The following GSK3B variants were observed in gnomAD, a reference collection of about 807,000 sequenced individuals.
GSK3B encodes the protein glycogen synthase kinase 3 beta.
Under a neutral mutation model 56.4 loss-of-function variants are expected in GSK3B, and 15 were observed. The ratio of observed to expected loss-of-function variants is 0.27; its 90% CI spans 0.18 to 0.41. The LOEUF (loss-of-function observed/expected upper bound fraction) is 0.41. GSK3B is among the 10% of genes least tolerant of loss of function. GSK3B has a pLI of 1.00. For synonymous variants in GSK3B, 181 were observed against 188.9 expected (o/e 0.96, Z 0.34); for missense variants, 300 against 513.4 (o/e 0.58, Z 4.02).
intron 1 of GSK3B, among the ~76,000 whole-genome samples, chr3:120,080,427 C>A (rs2058409576): frequency 1.3e-5 from 2 of 151,960 alleles, no homozygotes. Context: ...GCAATAGAAA[C>A]CCTATTGTTT....
At chr3:120,014,168 A>C (rs925996817) in intron 1 of GSK3B, among the ~76,000 whole-genome samples, 8 of 151,286 alleles carry the variant, frequency 5.3e-5, no homozygotes, top group African/African-American at 1.7e-4. Context: ...AAAACAAACA[A>C]CAACAACAAC....
chr3:119,853,401 C>G (rs150955435), intron 9 of GSK3B, among the ~76,000 whole-genome samples: 1 of 152,120 alleles, frequency 6.6e-6, no homozygotes, highest in Non-Finnish European at 1.5e-5. Flanking sequence ...CTTGGCTATA[C>G]GGGCTCTTTT....
intron 1 of GSK3B, among the ~76,000 whole-genome samples, chr3:120,047,239 G>C (rs917334661): frequency 1.1e-4 from 16 of 152,210 alleles, no homozygotes; most frequent in African/African-American, 3.6e-4. Context: ...CTCTCCACAA[G>C]ATCAAGAGCA....
intron 1 of GSK3B, among the ~76,000 whole-genome samples, chr3:120,082,476 A>G (rs930126645): frequency 9.5e-5 from 13 of 136,326 alleles, no homozygotes; most frequent in African/African-American, 3.6e-4. Flanking sequence ...GGCTCACTGC[A>G]ACCTCTGCCT....
chr3:120,066,045 G>A (rs2107558176), intron 1 of GSK3B, among the ~76,000 whole-genome samples: 1 of 152,298 alleles, frequency 6.6e-6, no homozygotes, highest in Admixed American at 6.5e-5. Flanking sequence ...ACAACGTGGT[G>A]AAGGTACTTA....
chr3:119,966,833 C>G (rs2057322587), intron 2 of GSK3B, among the ~76,000 whole-genome samples: 1 of 151,798 alleles, frequency 6.6e-6, no homozygotes, highest in South Asian at 2.1e-4. Flanking sequence ...TAATGAAGTA[C>G]TAGCAAAGAA....
At chr3:120,001,803 G>T (rs1172343236) in intron 2 of GSK3B, among the ~76,000 whole-genome samples, 1 of 152,000 alleles carries the variant, frequency 6.6e-6, no homozygotes, top group Non-Finnish European at 1.5e-5. Flanking sequence ...CCTTTCACAG[G>T]ATTAAAAAAT....
chr3:119,941,029 T>C (rs887824231), intron 3 of GSK3B, among the ~76,000 whole-genome samples: 4 of 151,836 alleles, frequency 2.6e-5, no homozygotes, highest in South Asian at 4.2e-4. Flanking sequence ...TTTTTTTTTT[T>C]TTTGAGATGG....
chr3:119,887,108 T>C (rs1019473148), intron 7 of GSK3B, among the ~76,000 whole-genome samples: 2 of 152,278 alleles, frequency 1.3e-5, no homozygotes, highest in South Asian at 2.1e-4. Context: ...CAAGATAAAA[T>C]TGAGTATAAA....
chr3:119,873,513 T>C (rs2056272847), intron 8 of GSK3B, among the ~76,000 whole-genome samples: 1 of 152,108 alleles, frequency 6.6e-6, no homozygotes, highest in South Asian at 2.1e-4. Flanking sequence ...AAGGGCAAAA[T>C]GGTCTTCTCT....
At chr3:120,036,772 G>A (rs536802462) in intron 1 of GSK3B, among the ~76,000 whole-genome samples, 22 of 113,282 alleles carry the variant, frequency 1.9e-4, no homozygotes, top group Admixed American at 1.8e-3. Flanking sequence ...CAGCCTGGGC[G>A]ACAGAGTAAG....
intron 1 of GSK3B, among the ~76,000 whole-genome samples, chr3:120,090,131 G>A (rs1486179075): frequency 6.6e-6 from 1 of 151,876 alleles, no homozygotes; most frequent in Non-Finnish European, 1.5e-5. Context: ...AAATGTTACA[G>A]TCACAGTTTA....
At chr3:119,881,583 T>C (rs767356058) in intron 7 of GSK3B, among the ~76,000 whole-genome samples, 1 of 152,214 alleles carries the variant, frequency 6.6e-6, no homozygotes, top group Non-Finnish European at 1.5e-5. Flanking sequence ...TTTGCTAACA[T>C]AAGACACAGT....
rs201847348 is a variant in GSK3B at position 120,093,717 on chromosome 3, G to A, written c.-283C>T. The A allele has an allele frequency of 6.0e-6, 2 of 332,968 alleles. No individual in the cohort carries two copies. The highest frequency in any genetic ancestry group is 1.1e-5 in the Non-Finnish European group (2 of 183,204). 20.6% of individuals were successfully genotyped at this position (332,968 alleles called of 1,614,324 possible). ...CTTTCCCCTCCCTTTCCTGGGAGGA[G>A]AGAAAAGAGAGGGCAAATCCTAAAA... On this transcript the variant is annotated 5_prime_UTR_variant, in exon 1 of 11. Transcript: ENST00000264235.
At chr3:119,950,327 A>G (rs1247848423) in intron 2 of GSK3B, among the ~76,000 whole-genome samples, 1 of 152,198 alleles carries the variant, frequency 6.6e-6, no homozygotes, top group Non-Finnish European at 1.5e-5. Context: ...AAACCTTATG[A>G]AGGAGGTTAA....
chr3:119,946,506 T>G (rs1422839413), intron 3 of GSK3B, among the ~76,000 whole-genome samples: 2 of 152,186 alleles, frequency 1.3e-5, no homozygotes, highest in African/African-American at 4.8e-5. Context: ...CAAAGTCATA[T>G]TTATTTAGCC....
At chr3:119,901,562 C>T (rs550036036) in intron 7 of GSK3B, among the ~76,000 whole-genome samples, 19 of 152,184 alleles carry the variant, frequency 1.2e-4, no homozygotes, top group African/African-American at 3.6e-4. Context: ...AGATACAGTT[C>T]GTTTAATTAA....
intron 1 of GSK3B, chr3:120,029,625 T>C (rs1006297996): frequency 3.6e-6 from 2 of 557,272 alleles, no homozygotes; most frequent in Admixed American, 4.3e-5. Context: ...TGCCATTATT[T>C]CCCTTCAGAT....
intron 6 of GSK3B, among the ~76,000 whole-genome samples, chr3:119,911,885 T>C (rs938973574): frequency 3.3e-5 from 5 of 152,212 alleles, no homozygotes; most frequent in Non-Finnish European, 2.9e-5. Flanking sequence ...AATGTTGTGG[T>C]TGGTTTGATC....
Sources: gnomAD v4.1 joint callset for allele counts (sites outside exome capture counted in the v4.1 genomes callset) on GRCh38, gnomAD v4.1.1 for gene constraint, MANE v1.5 for transcripts, NCBI Gene and HGNC (gene_info 2026-07-23, HGNC 2026-07-21) for gene names.